The following KCNH8 variants were observed in gnomAD, a reference collection of about 807,000 sequenced individuals.
KCNH8 encodes the protein potassium voltage-gated channel subfamily H member 8, also known as voltage-gated delayed rectifier potassium channel KCNH8.
KCNH8 carries 70 observed loss-of-function variants against 103.6 expected under a neutral mutation model. The observed-to-expected ratio is 0.68, with a 90% CI of 0.56 to 0.82. The LOEUF is 0.82. Ranked by LOEUF, KCNH8 falls within the 40% of genes least tolerant of loss-of-function variation. The probability of loss-of-function intolerance (pLI) is 0.00; values close to 1 mark genes in which losing one functional copy is unlikely to be tolerated. For synonymous variants in KCNH8, 498 were observed against 489.4 expected (o/e 1.02, Z -0.23); for missense variants, 1,217 against 1,329.9 (o/e 0.92, Z 1.32).
At chr3:19,448,924 TCA>T in intron 8 of KCNH8, 1 of 1,257,700 alleles carries the variant, frequency 8.0e-7, no homozygotes, top group Non-Finnish European at 1.0e-6. Flanking sequence ...CATCTTTCTC[TCA>T]GTTTCACAGT....
At chr3:19,457,408 G>T (rs1056480500) in intron 11 of KCNH8, among the ~76,000 whole-genome samples, 1 of 151,834 alleles carries the variant, frequency 6.6e-6, no homozygotes, top group South Asian at 2.1e-4. Context: ...TTATTTAATG[G>T]TACACAAAAC....
intron 1 of KCNH8, among the ~76,000 whole-genome samples, chr3:19,208,397 T>A (rs1386995308): frequency 3.3e-5 from 5 of 151,950 alleles, no homozygotes; most frequent in Non-Finnish European, 7.4e-5. Flanking sequence ...GTTGTCTGAG[T>A]CTTACCAAAG....
intron 5 of KCNH8, among the ~76,000 whole-genome samples, chr3:19,352,684 G>A (rs1233323091): frequency 2.0e-5 from 3 of 151,542 alleles, no homozygotes; most frequent in Non-Finnish European, 2.9e-5. Flanking sequence ...TTTGAAACCA[G>A]TGAGAACAAA....
chr3:19,365,220 C>T, intron 5 of KCNH8, among the ~76,000 whole-genome samples: 1 of 151,974 alleles, frequency 6.6e-6, no homozygotes. Context: ...ATATACTGTG[C>T]TAATTATCTA....
At chr3:19,284,219 G>A (rs1423047670) in intron 3 of KCNH8, among the ~76,000 whole-genome samples, 1 of 151,998 alleles carries the variant, frequency 6.6e-6, no homozygotes, top group Non-Finnish European at 1.5e-5. Context: ...GTTCATCTAA[G>A]TTGTAGGAAT....
intron 7 of KCNH8, among the ~76,000 whole-genome samples, chr3:19,403,197 A>C (rs1279006093): frequency 1.3e-5 from 2 of 151,374 alleles, no homozygotes; most frequent in African/African-American, 4.8e-5. Context: ...ATCCAAGTGT[A>C]CCTTGCCCCT....
chr3:19,315,269 G>A (rs993896030), intron 3 of KCNH8, among the ~76,000 whole-genome samples: 2 of 151,936 alleles, frequency 1.3e-5, no homozygotes, highest in African/African-American at 4.8e-5. Flanking sequence ...GGGCATCCAA[G>A]TCTATGCAGG....
At chr3:19,293,848 T>A (rs1352838634) in intron 3 of KCNH8, among the ~76,000 whole-genome samples, 3 of 152,218 alleles carry the variant, frequency 2.0e-5, no homozygotes, top group Non-Finnish European at 4.4e-5. Flanking sequence ...CAATAAATAT[T>A]TGATAGATGG....
intron 15 of KCNH8, among the ~76,000 whole-genome samples, chr3:19,530,703 T>C (rs2069145544): frequency 6.6e-6 from 1 of 152,212 alleles, no homozygotes. Context: ...CTCATGAGGC[T>C]ACCTTTCTGT....
chr3:19,439,157 T>C (rs1179459695), intron 8 of KCNH8, among the ~76,000 whole-genome samples: 4 of 152,110 alleles, frequency 2.6e-5, no homozygotes, highest in African/African-American at 4.8e-5. Flanking sequence ...TACACTTACT[T>C]TGGAAAGCTC....
chr3:19,519,044 T>C (rs2068926095), intron 15 of KCNH8, among the ~76,000 whole-genome samples: 1 of 151,936 alleles, frequency 6.6e-6, no homozygotes, highest in Admixed American at 6.6e-5. Flanking sequence ...CAACTGGGGC[T>C]CAATCCCACT....
intron 11 of KCNH8, among the ~76,000 whole-genome samples, chr3:19,489,362 C>G (rs1253789818): frequency 6.6e-6 from 1 of 152,154 alleles, no homozygotes; most frequent in African/African-American, 2.4e-5. Flanking sequence ...CCCTTTGCTA[C>G]TAGTACTGCT....
At chr3:19,235,805 T>C (rs2064057792) in intron 1 of KCNH8, among the ~76,000 whole-genome samples, 1 of 152,190 alleles carries the variant, frequency 6.6e-6, no homozygotes, top group Non-Finnish European at 1.5e-5. Context: ...GACATCCTAG[T>C]TGAAATGACT....
chr3:19,525,256 G>A (rs1441417612), intron 15 of KCNH8, among the ~76,000 whole-genome samples: 5 of 151,788 alleles, frequency 3.3e-5, no homozygotes, highest in African/African-American at 1.2e-4. Context: ...TTGGGGCTAA[G>A]GATCTGTCTG....
At chr3:19,357,992 A>C (rs1375452328) in intron 5 of KCNH8, among the ~76,000 whole-genome samples, 1 of 151,896 alleles carries the variant, frequency 6.6e-6, no homozygotes, top group Non-Finnish European at 1.5e-5. Context: ...GCAGATTATA[A>C]AGGATTAAAA....
intron 3 of KCNH8, among the ~76,000 whole-genome samples, chr3:19,315,956 A>T (rs551082390): frequency 2.6e-5 from 4 of 152,142 alleles, no homozygotes; most frequent in African/African-American, 9.6e-5. Flanking sequence ...CTGGAGAAAG[A>T]TGAATCAATT....
At chr3:19,454,003 C>A (rs906622898) in intron 10 of KCNH8, among the ~76,000 whole-genome samples, 1 of 151,984 alleles carries the variant, frequency 6.6e-6, no homozygotes, top group African/African-American at 2.4e-5. Flanking sequence ...TGACTCAGTT[C>A]TTGTCTCATC....
At chr3:19,194,973 G>A (rs1305411895) in intron 1 of KCNH8, among the ~76,000 whole-genome samples, 2 of 151,796 alleles carry the variant, frequency 1.3e-5, no homozygotes, top group South Asian at 2.1e-4. Flanking sequence ...AGGAGTAGAA[G>A]GCCCTTTCAG....
At chr3:19,342,791 C>T (rs2065679153) in intron 4 of KCNH8, 77 bp downstream of exon 4, 2 of 1,385,314 alleles carry the variant, frequency 1.4e-6, no homozygotes, top group Admixed American at 4.2e-5. Context: ...AGAAAGGCCT[C>T]AATTACCCAT....
Sources: gnomAD v4.1 joint callset for allele counts (sites outside exome capture counted in the v4.1 genomes callset) on GRCh38, gnomAD v4.1.1 for gene constraint, MANE v1.5 for transcripts, NCBI Gene and HGNC (gene_info 2026-07-23, HGNC 2026-07-21) for gene names.